The following AGTPBP1 variants were observed in gnomAD, a reference collection of about 807,000 sequenced individuals.
AGTPBP1 encodes the protein cytosolic carboxypeptidase 1.
AGTPBP1 carries 70 observed loss-of-function variants against 143.9 expected under a neutral mutation model. That is an observed-to-expected ratio of 0.49 (90% CI 0.40 to 0.59). The LOEUF (loss-of-function observed/expected upper bound fraction) is 0.59, where lower values mean the gene tolerates loss of function less well. Among genes scored for constraint, AGTPBP1 ranks in the 20% least tolerant of loss-of-function variants. The pLI, the probability that AGTPBP1 is intolerant of heterozygous loss-of-function variation, is 0.00. For synonymous variants in AGTPBP1, 463 were observed against 500.2 expected, an observed-to-expected ratio of 0.93 and a Z score of 0.99; for missense variants, 1,229 against 1,464.5, an observed-to-expected ratio of 0.84 and a Z score of 2.62.
intron 17 of AGTPBP1, among the ~76,000 whole-genome samples, chr9:85,602,018 TA>T (rs985347587): frequency 1.3e-5 from 2 of 150,414 alleles, no homozygotes; most frequent in South Asian, 2.1e-4. Flanking sequence ...TGAAAGTAAA[TA>T]AAAAAATTGG....
In AGTPBP1 at chr9:85,706,936, T is replaced by C. The variant is rs150345048; in HGVS notation, c.32+5566A>G. On this transcript the variant is annotated intron_variant, in intron 2 of 25. Transcript: ENST00000357081. Reference sequence around the variant, plus strand: ...TTAAAAGACAGAGAAGGGTAGACTATATATTTTAAAAAAAAAAGCAGACAC... The same window carrying C: ...TTAAAAGACAGAGAAGGGTAGACTACATATTTTAAAAAAAAAAGCAGACAC... Among the ~76,000 whole-genome samples the C allele has an allele frequency of 2.4e-3, 367 of 151,702 alleles. 2 individuals are homozygous for C. Among genetic ancestry groups the C allele is most frequent in the African/African-American group, 8.6e-3 (355 of 41,330 alleles).
At chr9:85,596,551 A>C in intron 17 of AGTPBP1, 102 bp from the exon 18 acceptor site, 1 of 706,250 alleles carries the variant, frequency 1.4e-6, no homozygotes, top group South Asian at 2.4e-5. Context: ...GGAAAGCAGA[A>C]GTAAATTACA....
intron 14 of AGTPBP1, among the ~76,000 whole-genome samples, chr9:85,625,904 G>GTTT (rs368474275): frequency 0.04 from 4,244 of 105,386 alleles, 194 homozygotes; most frequent in African/African-American, 0.11. Flanking sequence ...ACCTAGTTTT[G>GTTT]TTTTTTTTTT....
chr9:85,692,117 A>G (rs913995793), intron 3 of AGTPBP1, among the ~76,000 whole-genome samples: 3 of 152,168 alleles, frequency 2.0e-5, no homozygotes, highest in Non-Finnish European at 4.4e-5. Context: ...CCAAAAATCT[A>G]TATCAAGTAG....
chr9:85,661,397 G>A (rs1214078537), intron 8 of AGTPBP1, among the ~76,000 whole-genome samples: 1 of 151,986 alleles, frequency 6.6e-6, no homozygotes, highest in Non-Finnish European at 1.5e-5. Flanking sequence ...AAATTCTATA[G>A]ATATTGTCAC....
Position 85,596,230 on chromosome 9 carries a change from A to G in AGTPBP1, c.2423+132T>C, listed in dbSNP as rs1829291549. 4 of 618,464 alleles carry G rather than the reference A, an allele frequency of 6.5e-6. No homozygotes were observed. The South Asian group carries it at 1.0e-4, about 16-fold the overall frequency. The allele number at this position is 618,464 out of a possible 1,614,324, so 38.3% of individuals were successfully genotyped here. A position where few individuals can be genotyped will look rare whatever the true frequency, so the allele number is the denominator to read the frequency against. Reference sequence around the variant, plus strand: ...CTCAAGTTCAAAAGGACTCTTTAGAATTACTAAAGCATAGCACCACAATTC... The same window carrying G: ...CTCAAGTTCAAAAGGACTCTTTAGAGTTACTAAAGCATAGCACCACAATTC... On this transcript the variant is annotated intron_variant, in intron 18 of 25. Coordinates refer to ENST00000357081, the MANE Select transcript of AGTPBP1 (RefSeq NM_001330701.2).
At chr9:85,668,796 A>G (rs1230540454) in intron 8 of AGTPBP1, among the ~76,000 whole-genome samples, 2 of 151,622 alleles carry the variant, frequency 1.3e-5, no homozygotes, top group East Asian at 3.9e-4. Context: ...TCAGTTTAAT[A>G]TAAACTCTAT....
the AGTPBP1 span, chr9:85,764,694 G>C: frequency 9.8e-7 from 1 of 1,016,252 alleles, no homozygotes; most frequent in Non-Finnish European, 1.6e-6. Context: ...TGTCTGGTGG[G>C]TTGTATCTTT....
At chr9:85,634,785 G>A (rs1389256524) in intron 13 of AGTPBP1, among the ~76,000 whole-genome samples, 1 of 152,122 alleles carries the variant, frequency 6.6e-6, no homozygotes, top group African/African-American at 2.4e-5. Flanking sequence ...CCTAAGCACT[G>A]AAATGGAACT....
At position 85,556,508 on chromosome 9, in the gene AGTPBP1, A is replaced by G. The variant is rs533666621; in HGVS notation, c.3504-9222T>C. ...TGTATTAGTAATTCATTAAATGGAA[A>G]TGGAGTAAATACTCCAATTAAAAGA... On this transcript the variant is annotated intron_variant, in intron 25 of 25. Transcript: ENST00000357081. Among the ~76,000 whole-genome samples the G allele has an allele frequency of 2.6e-5, 4 of 152,350 alleles. No individual in the cohort carries two copies. The East Asian group carries it at 7.7e-4, about 29-fold the overall frequency.
intron 1 of AGTPBP1, among the ~76,000 whole-genome samples, chr9:85,739,254 T>C (rs916866432): frequency 2.0e-5 from 3 of 152,200 alleles, no homozygotes; most frequent in African/African-American, 4.8e-5. Context: ...TTATGTTGTT[T>C]ATACTGAAAC....
At chr9:85,604,080 A>G (rs893248683) in intron 17 of AGTPBP1, among the ~76,000 whole-genome samples, 1 of 152,192 alleles carries the variant, frequency 6.6e-6, no homozygotes, top group African/African-American at 2.4e-5. Context: ...AAAGGGCAGG[A>G]CACAAGCCCG....
At chr9:85,576,174 A>G (rs1172366447) in intron 24 of AGTPBP1, among the ~76,000 whole-genome samples, 1 of 152,222 alleles carries the variant, frequency 6.6e-6, no homozygotes, top group Non-Finnish European at 1.5e-5. Flanking sequence ...ACATAAAACC[A>G]TAAAAATGGC....
chr9:85,715,864 G>A (rs895471156), intron 1 of AGTPBP1, among the ~76,000 whole-genome samples: 11 of 152,142 alleles, frequency 7.2e-5, no homozygotes, highest in Admixed American at 7.2e-4. Flanking sequence ...GAGGAACTGA[G>A]AATGTATGAA....
chr9:85,592,113 C>T (rs1395100151), intron 19 of AGTPBP1, among the ~76,000 whole-genome samples: 1 of 152,020 alleles, frequency 6.6e-6, no homozygotes, highest in Non-Finnish European at 1.5e-5. Context: ...ATTGCATCCA[C>T]ATTTTTTTAA....
the AGTPBP1 span, among the ~76,000 whole-genome samples, chr9:85,793,989 T>C: frequency 1.3e-5 from 2 of 152,180 alleles, no homozygotes; most frequent in African/African-American, 4.8e-5. Flanking sequence ...CTTTATATTT[T>C]TGCTGATAGA....
At chr9:85,697,270 A>G (rs891732129) in intron 2 of AGTPBP1, among the ~76,000 whole-genome samples, 1 of 152,126 alleles carries the variant, frequency 6.6e-6, no homozygotes, top group Non-Finnish European at 1.5e-5. Context: ...CCAGACATTA[A>G]TAAGATCTGC....
At chr9:85,595,701 A>G (rs1829256718) in intron 18 of AGTPBP1, among the ~76,000 whole-genome samples, 1 of 151,830 alleles carries the variant, frequency 6.6e-6, no homozygotes, top group East Asian at 1.9e-4. Context: ...TAATTTTTGT[A>G]TTTTTGGTAC....
chr9:85,610,018 A>G (rs759408252), intron 17 of AGTPBP1, among the ~76,000 whole-genome samples: 1 of 152,188 alleles, frequency 6.6e-6, no homozygotes, highest in Non-Finnish European at 1.5e-5. Flanking sequence ...ATGTATGAGG[A>G]ACATTTGTCA....
Sources: gnomAD v4.1 joint callset for allele counts (sites outside exome capture counted in the v4.1 genomes callset) on GRCh38, gnomAD v4.1.1 for gene constraint, MANE v1.5 for transcripts, NCBI Gene and HGNC (gene_info 2026-07-23, HGNC 2026-07-21) for gene names.